Variants in ABCC1 observed in about 807,000 individuals in gnomAD.
The protein encoded by ABCC1 is ATP binding cassette subfamily C member 1 (ABCC1 blood group).
A neutral mutation model predicts 172.9 loss-of-function variants in ABCC1; 83 were observed. That is an observed-to-expected ratio of 0.48 (90% CI 0.40 to 0.58). The LOEUF (loss-of-function observed/expected upper bound fraction) is 0.58. Ranked by LOEUF, ABCC1 falls within the 20% of genes least tolerant of loss-of-function variation. ABCC1 has a pLI of 0.00. For missense variants in ABCC1, 1,817 were observed against 2,002.7 expected, an observed-to-expected ratio of 0.91 and a Z score of 1.77; for synonymous variants, 937 against 825.2, an observed-to-expected ratio of 1.14 and a Z score of -2.32.
chr16:16,084,297 T>A (rs1479163991), intron 17 of ABCC1, among the ~76,000 whole-genome samples: 1 of 152,090 alleles, frequency 6.6e-6, no homozygotes, highest in East Asian at 1.9e-4. Context: ...GAGGCAGGGT[T>A]TCACCATGTT....
intron 11 of ABCC1, among the ~76,000 whole-genome samples, chr16:16,054,256 TG>T (rs1454569658): frequency 6.6e-6 from 1 of 152,012 alleles, no homozygotes; most frequent in African/African-American, 2.4e-5. Flanking sequence ...ATTACAGGCA[TG>T]AGCCACCATG....
chr16:16,064,511 G>A (rs1032770646), intron 12 of ABCC1, among the ~76,000 whole-genome samples: 11 of 152,348 alleles, frequency 7.2e-5, no homozygotes, highest in South Asian at 6.2e-4. Context: ...GAAAGGGGCC[G>A]CATGATGTTG....
intron 27 of ABCC1, among the ~76,000 whole-genome samples, chr16:16,132,506 G>GTTTTT (rs1567441293): frequency 5.9e-5 from 6 of 100,946 alleles, no homozygotes; most frequent in South Asian, 3.6e-4. Context: ...TTTTTTGGTT[G>GTTTTT]GTTGTTTTTT....
In ABCC1 at chr16:15,960,133, G is replaced by A. The variant is rs181200320; in HGVS notation, c.48+10334G>A. ...TTGATGGATGGAGTCTTGTTCTGTC[G>A]CCCTAGCTGATTGTACCACTGCACT... On this transcript the variant is annotated intron_variant, in intron 1 of 30. Coordinates refer to ENST00000399410, the MANE Select transcript of ABCC1 (RefSeq NM_004996.4). 1.2e-3 allele frequency among the ~76,000 whole-genome samples: 181 copies of A among 152,210 alleles called. 1 individual carries two copies. The highest frequency in any genetic ancestry group is 8.3e-3 in the Admixed American group (127 of 15,286).
chr16:16,081,560 T>C (rs865923353), intron 16 of ABCC1, among the ~76,000 whole-genome samples: 11 of 152,240 alleles, frequency 7.2e-5, no homozygotes, highest in African/African-American at 2.7e-4. Flanking sequence ...GTGTATATTA[T>C]GTCTGAAATT....
At chr16:16,042,993 C>G (rs760196040) in intron 7 of ABCC1, among the ~76,000 whole-genome samples, 6 of 151,904 alleles carry the variant, frequency 3.9e-5, no homozygotes, top group Non-Finnish European at 8.8e-5. Context: ...TCCCAAGTAG[C>G]TGGGATTACA....
At chr16:16,053,774 C>CAAAAAAAAAAA (rs10526186) in intron 11 of ABCC1, among the ~76,000 whole-genome samples, 12 of 36,220 alleles carry the variant, frequency 3.3e-4, no homozygotes, top group Non-Finnish European at 6.4e-4. Flanking sequence ...GACCCTGTCT[C>CAAAAAAAAAAA]AAAAAAAAAA....
chr16:15,999,227 C>G (rs969421815), intron 1 of ABCC1, among the ~76,000 whole-genome samples: 8 of 151,996 alleles, frequency 5.3e-5, no homozygotes, highest in Non-Finnish European at 8.8e-5. Context: ...GGATGGTCTC[C>G]ATCTCCTAAC....
intron 12 of ABCC1, among the ~76,000 whole-genome samples, chr16:16,065,083 G>C (rs2050063018): frequency 6.6e-6 from 1 of 152,300 alleles, no homozygotes; most frequent in South Asian, 2.1e-4. Flanking sequence ...GGGCATTACT[G>C]TGCCCATTCA....
intron 4 of ABCC1, among the ~76,000 whole-genome samples, chr16:16,015,281 A>G (rs1037156139): frequency 5.9e-5 from 9 of 152,220 alleles, no homozygotes; most frequent in Middle Eastern, 6.8e-3. Flanking sequence ...CTGGGACCAC[A>G]GGCACGCGCC....
chr16:16,022,619 A>G (rs1228282160), intron 5 of ABCC1, among the ~76,000 whole-genome samples: 1 of 152,154 alleles, frequency 6.6e-6, no homozygotes, highest in Non-Finnish European at 1.5e-5. Context: ...CATTTTAACA[A>G]GATCTCCAGG....
At chr16:16,118,813 AT>A (rs1291851807) in intron 23 of ABCC1, among the ~76,000 whole-genome samples, 1 of 149,952 alleles carries the variant, frequency 6.7e-6, no homozygotes, top group Non-Finnish European at 1.5e-5. Flanking sequence ...AGAATAGTTA[AT>A]TTTTTAATGG....
chr16:16,116,790 C>T (rs1371027177), intron 23 of ABCC1, among the ~76,000 whole-genome samples: 5 of 152,058 alleles, frequency 3.3e-5, no homozygotes, highest in African/African-American at 1.2e-4. Flanking sequence ...AAACTCCTGA[C>T]GTCAAGTGAT....
chr16:15,973,082 A>G (rs2046405588), intron 1 of ABCC1, among the ~76,000 whole-genome samples: 1 of 152,156 alleles, frequency 6.6e-6, no homozygotes, highest in African/African-American at 2.4e-5. Context: ...GGCATGAGCC[A>G]TCACACTCAG....
In ABCC1 at chr16:16,141,331, G is replaced by A. The variant is rs2046119810; in HGVS notation, c.*50G>A. Reference sequence around the variant, plus strand: ...AGAACTGCAGGGCCTATATGCCAGCGCCCAGGGAGGAGTCAGTACCCCTGG... The same window carrying A: ...AGAACTGCAGGGCCTATATGCCAGCACCCAGGGAGGAGTCAGTACCCCTGG... On this transcript the variant is annotated 3_prime_UTR_variant, in exon 31 of 31. Transcript: ENST00000399410. 1 of 1,554,662 alleles carries A rather than the reference G, an allele frequency of 6.4e-7. No individual in the cohort carries two copies. The highest frequency in any genetic ancestry group is 2.3e-5 in the East Asian group (1 of 44,420).
At chr16:15,966,269 T>TG (rs61499952) in intron 1 of ABCC1, among the ~76,000 whole-genome samples, 8,332 of 151,938 alleles carry the variant, frequency 0.055, 702 homozygotes, top group African/African-American at 0.18. Flanking sequence ...AAAAATTAGC[T>TG]GGCGTGGTGG....
intron 29 of ABCC1, among the ~76,000 whole-genome samples, chr16:16,136,893 G>C (rs45468298): frequency 0.014 from 2,184 of 152,280 alleles, 52 homozygotes; most frequent in African/African-American, 0.049. Flanking sequence ...GCTCCATTCA[G>C]TTGATAGTGG....
At chr16:16,094,395 C>A in intron 19 of ABCC1, 1 of 214,256 alleles carries the variant, frequency 4.7e-6, no homozygotes, top group South Asian at 7.1e-5. Flanking sequence ...TCTACCAACT[C>A]CACCATTATA....
intron 13 of ABCC1, 132 bp from the exon 14 acceptor site, chr16:16,071,510 T>C: frequency 1.5e-6 from 1 of 662,706 alleles, no homozygotes; most frequent in South Asian, 1.8e-5. Flanking sequence ...TTCTAAGAAA[T>C]GTGGGACCTT....
Sources: gnomAD v4.1 joint callset for allele counts (sites outside exome capture counted in the v4.1 genomes callset) on GRCh38, gnomAD v4.1.1 for gene constraint, MANE v1.5 for transcripts, NCBI Gene and HGNC (gene_info 2026-07-23, HGNC 2026-07-21) for gene names.